Variants in LPGAT1 observed in about 807,000 individuals in gnomAD.
The protein encoded by LPGAT1 is acyl-CoA:lysophosphatidylglycerol acyltransferase 1.
A neutral mutation model predicts 47.5 loss-of-function variants in LPGAT1; 11 were observed. The ratio of observed to expected loss-of-function variants is 0.23; its 90% CI spans 0.15 to 0.38. The LOEUF (loss-of-function observed/expected upper bound fraction) is 0.38. Among genes scored for constraint, LPGAT1 ranks in the 10% least tolerant of loss-of-function variants. The pLI is 1.00. For synonymous variants in LPGAT1, 138 were observed against 144.2 expected, an observed-to-expected ratio of 0.96 and a Z score of 0.31; for missense variants, 293 against 439.0, an observed-to-expected ratio of 0.67 and a Z score of 2.97.
chr1:211,756,951 C>CT (rs1571694506), intron 6 of LPGAT1, among the ~76,000 whole-genome samples: 1 of 150,892 alleles, frequency 6.6e-6, no homozygotes, highest in Non-Finnish European at 1.5e-5. Flanking sequence ...ACAGTGTGGC[C>CT]TAGTGATTAA....
intron 2 of LPGAT1, among the ~76,000 whole-genome samples, chr1:211,797,505 A>C (rs1659399601): frequency 6.6e-6 from 1 of 152,082 alleles, no homozygotes; most frequent in African/African-American, 2.4e-5. Flanking sequence ...TTCAACAACA[A>C]ATTTAATTTC....
At chr1:211,829,487 G>C (rs1246395313) in intron 1 of LPGAT1, 164 bp from the exon 2 acceptor site, 18 of 1,434,156 alleles carry the variant, frequency 1.3e-5, no homozygotes, top group Non-Finnish European at 1.6e-5. Flanking sequence ...GAGGGGGACA[G>C]AGAGCGAGGG....
intron 2 of LPGAT1, among the ~76,000 whole-genome samples, chr1:211,798,802 G>A (rs1659452170): frequency 6.6e-6 from 1 of 152,244 alleles, no homozygotes; most frequent in Non-Finnish European, 1.5e-5. Context: ...GTTTGAGGCA[G>A]ACAGGATTGG....
rs1222192689 is a variant in LPGAT1 at position 211,749,921 on chromosome 1, T to C, written c.1091A>G (p.Tyr364Cys). 2 of 1,613,950 alleles carry C rather than the reference T, an allele frequency of 1.2e-6. No individual in the cohort carries two copies. The highest frequency in any genetic ancestry group is 4.5e-5 in the East Asian group (2 of 44,860). Residue 364 changes from tyrosine to cysteine, a missense_variant, in exon 8 of 8, where the codon TAT (tyrosine) becomes TGT (cysteine). Physicochemically the swap from Tyr to Cys is radical, Grantham distance 194. Coordinates refer to ENST00000366997, the MANE Select transcript of LPGAT1 (RefSeq NM_014873.3). ...TTCCTAAAACAGGCAATGGTAAAAATACTGAATGATGTTGTACCACATATA... is the reference window on the plus strand; with the variant it reads ...TTCCTAAAACAGGCAATGGTAAAAACACTGAATGATGTTGTACCACATATA... ...SGYMWYNIIQ[Y>C]FYHCLF is the part of the protein sequence containing the mutation.
Position 211,830,197 on chromosome 1 carries a change from A to C in LPGAT1, c.-28+376T>G. ...GCCGGGCTCACCTCGGCGGGCGCGGACGGCGGGCGGCTGCGGAGAGCGGGG... is the reference window on the plus strand; with the variant it reads ...GCCGGGCTCACCTCGGCGGGCGCGGCCGGCGGGCGGCTGCGGAGAGCGGGG... On this transcript the variant is annotated intron_variant, in intron 1 of 7. Transcript: ENST00000366997. This position sits in a 1 kb window ranked among gnomAD's most constrained non-coding sequence, Gnocchi z 5.9. The C allele has an allele frequency of 1.0e-6, 1 of 982,536 alleles. No individual in the cohort carries two copies. The highest frequency in any genetic ancestry group is 4.7e-5 in the South Asian group (1 of 21,426). 60.9% of individuals were successfully genotyped at this position (982,536 alleles called of 1,614,324 possible). A position where few individuals can be genotyped will look rare whatever the true frequency, so the allele number is the denominator to read the frequency against.
intron 6 of LPGAT1, 103 bp downstream of exon 6, chr1:211,778,815 C>T: frequency 1.1e-6 from 1 of 933,462 alleles, no homozygotes. Context: ...GAACTTGAGC[C>T]AACTATTTCT....
At chr1:211,828,993 T>C (rs747390964) in intron 2 of LPGAT1, 66 bp downstream of exon 2, 3 of 1,533,668 alleles carry the variant, frequency 2.0e-6, no homozygotes, top group Non-Finnish European at 1.8e-6. Flanking sequence ...AAGTGTAATA[T>C]ACATTTAATC....
At chr1:211,815,192 T>C (rs139737145) in intron 2 of LPGAT1, among the ~76,000 whole-genome samples, 2 of 152,314 alleles carry the variant, frequency 1.3e-5, no homozygotes, top group African/African-American at 4.8e-5. Context: ...TGCACATCCA[T>C]GTCAATTTCA....
intron 6 of LPGAT1, among the ~76,000 whole-genome samples, chr1:211,762,578 A>C (rs1657743201): frequency 6.6e-6 from 1 of 152,230 alleles, no homozygotes. Context: ...ATCAAATCAG[A>C]GGAGTGCTTG....
rs1207190773 is a variant in LPGAT1, at chr1:211,745,444, C to T, written c.*4455G>A. The T allele has an allele frequency of 1.3e-5, 2 of 152,158 alleles. No individual in the cohort carries two copies. Among genetic ancestry groups the T allele is most frequent in the African/African-American group, 2.4e-5 (1 of 41,436 alleles). 9.4% of individuals were successfully genotyped at this position (152,158 alleles called of 1,614,324 possible). On this transcript the variant is annotated 3_prime_UTR_variant, in exon 8 of 8. Coordinates refer to ENST00000366997, the MANE Select transcript of LPGAT1 (RefSeq NM_014873.3). ...CCTTACACGTAAAGAATTTGTGCAT[C>T]ACAGTCATGTGTTCAACAGTTTTAC...
chr1:211,795,568 T>C (rs1248191261), intron 2 of LPGAT1, among the ~76,000 whole-genome samples: 1 of 152,170 alleles, frequency 6.6e-6, no homozygotes, highest in Non-Finnish European at 1.5e-5. Flanking sequence ...GGTTTCTCCA[T>C]GTTGGTCAGG....
rs954482584 is a variant in LPGAT1 at position 211,748,659 on chromosome 1, T to A, written c.*1240A>T. ...GAGATTATGCCACTGCACTACAGCC[T>A]GGGTGACAGAGTAAGACCTGTCTAA... On this transcript the variant is annotated 3_prime_UTR_variant, in exon 8 of 8. Coordinates refer to ENST00000366997, the MANE Select transcript of LPGAT1 (RefSeq NM_014873.3). 5.3e-5 allele frequency: 8 copies of A among 152,162 alleles called. No individual in the cohort carries two copies. Among genetic ancestry groups the A allele is most frequent in the Admixed American group, 3.9e-4 (6 of 15,250 alleles). 9.4% of individuals were successfully genotyped at this position (152,162 alleles called of 1,614,324 possible).
chr1:211,826,313 T>A (rs1660542941), intron 2 of LPGAT1, among the ~76,000 whole-genome samples: 2 of 152,180 alleles, frequency 1.3e-5, no homozygotes, highest in Admixed American at 1.3e-4. Flanking sequence ...TGTTTAGAAC[T>A]AAGGAAAGAT....
chr1:211,826,672 T>C (rs1660554388), intron 2 of LPGAT1, among the ~76,000 whole-genome samples: 1 of 151,926 alleles, frequency 6.6e-6, no homozygotes, highest in African/African-American at 2.4e-5. Context: ...AAAAGATATA[T>C]ATATATATAT....
intron 6 of LPGAT1, among the ~76,000 whole-genome samples, chr1:211,757,368 G>C (rs1442712529): frequency 6.6e-6 from 1 of 152,064 alleles, no homozygotes; most frequent in Non-Finnish European, 1.5e-5. Context: ...TACTTCCCTT[G>C]TGTTTAAGAT....
rs754817993 is a variant in LPGAT1, at chr1:211,787,613, A to G, written c.453+19T>C. 33 of 1,396,010 alleles carry G rather than the reference A, an allele frequency of 2.4e-5. No individual in the cohort carries two copies. Among genetic ancestry groups the G allele is most frequent in the Non-Finnish European group, 3.1e-5 (31 of 997,166 alleles). 86.5% of individuals were successfully genotyped at this position (1,396,010 alleles called of 1,614,324 possible). A position where few individuals can be genotyped will look rare whatever the true frequency, so the allele number is the denominator to read the frequency against. On this transcript the variant is annotated intron_variant, in intron 4 of 7. Transcript: ENST00000366997. ...TTTGACCAGGCTATCACTGCGGGGA[A>G]AAAGTGCTCATTACTTACCTGTCTT...
chr1:211,819,406 T>C (rs1406765940), intron 2 of LPGAT1, among the ~76,000 whole-genome samples: 1 of 152,052 alleles, frequency 6.6e-6, no homozygotes, highest in Non-Finnish European at 1.5e-5. Context: ...ATGGGAACGA[T>C]CACTTGAGGC....
intron 2 of LPGAT1, among the ~76,000 whole-genome samples, chr1:211,812,010 C>T (rs1660007836): frequency 6.6e-6 from 1 of 152,226 alleles, no homozygotes; most frequent in Non-Finnish European, 1.5e-5. Flanking sequence ...ACCTAACTTC[C>T]ACAGATCTTC....
intron 4 of LPGAT1, among the ~76,000 whole-genome samples, chr1:211,786,967 C>T (rs1487281215): frequency 6.6e-6 from 1 of 152,050 alleles, no homozygotes; most frequent in Non-Finnish European, 1.5e-5. Context: ...GTGGGGGATA[C>T]TACATATTAT....
Sources: allele counts gnomAD v4.1 joint callset (sites outside exome capture counted in the v4.1 genomes callset), GRCh38; gene constraint gnomAD v4.1.1; non-coding constraint Gnocchi (gnomAD v3.1); transcripts MANE v1.5; gene names NCBI Gene and HGNC (gene_info 2026-07-23, HGNC 2026-07-21).